Variants in ZSWIM6 observed in about 807,000 individuals in gnomAD.
ZSWIM6 encodes the protein zinc finger SWIM domain-containing protein 6.
A neutral mutation model predicts 113.2 loss-of-function variants in ZSWIM6; 9 were observed. That is an observed-to-expected ratio of 0.08 (90% CI 0.05 to 0.14). The LOEUF is 0.14. ZSWIM6 is among the 10% of genes least tolerant of loss of function. The pLI is 1.00. For synonymous variants in ZSWIM6, 611 were observed against 606.5 expected, an observed-to-expected ratio of 1.01 and a Z score of -0.11; for missense variants, 1,162 against 1,552.2, an observed-to-expected ratio of 0.75 and a Z score of 4.22.
chr5:61,340,852 A>G (rs1452962477), intron 1 of ZSWIM6, among the ~76,000 whole-genome samples: 3 of 152,196 alleles, frequency 2.0e-5, no homozygotes, highest in Non-Finnish European at 4.4e-5. Context: ...CTAAATTCTA[A>G]TGGCTGCAGT....
In ZSWIM6 at chr5:61,521,329, A is replaced by C. The variant is rs538889252; in HGVS notation, c.1400A>C (p.Lys467Thr). The C allele has an allele frequency of 3.9e-6, 6 of 1,524,766 alleles. No homozygotes were observed. The highest frequency in any genetic ancestry group is 4.4e-6 in the Non-Finnish European group (5 of 1,134,696). 94.5% of individuals were successfully genotyped at this position (1,524,766 alleles called of 1,614,324 possible). The change falls in exon 5 of 14, where the codon AAA becomes ACA. Residue 467 changes from lysine (K) to threonine (T), a missense_variant. Lys to Thr is a moderately conservative substitution (Grantham distance 78). This residue lies in a region of ZSWIM6 where 620 missense variants were observed against 804.6 expected (regional missense o/e 0.77). Coordinates refer to ENST00000252744, the MANE Select transcript of ZSWIM6 (RefSeq NM_020928.2). ...CKLEQKASWL[K>T]QLKKWNSVDV... is the part of the protein sequence containing the mutation. ...TTGGAGCAAAAGGCCAGTTGGCTAA[A>C]ACAGCTGAAGAAATGGAATAGTGTT...
intron 1 of ZSWIM6, among the ~76,000 whole-genome samples, chr5:61,348,194 C>T (rs551456538): frequency 6.6e-6 from 1 of 152,130 alleles, no homozygotes; most frequent in East Asian, 1.9e-4. Flanking sequence ...GCCCTCCAGC[C>T]TGGGCAACAG....
At chr5:61,531,296 T>A (rs1199512832) in intron 8 of ZSWIM6, among the ~76,000 whole-genome samples, 169 bp from the exon 9 acceptor site, 8 of 152,202 alleles carry the variant, frequency 5.3e-5, no homozygotes, top group Non-Finnish European at 1.0e-4. Context: ...TGGTCATTTT[T>A]AAAAAGATAC....
intron 1 of ZSWIM6, among the ~76,000 whole-genome samples, chr5:61,364,960 A>G (rs1410012897): frequency 6.6e-6 from 1 of 152,134 alleles, no homozygotes; most frequent in African/African-American, 2.4e-5. Flanking sequence ...TATGACAGAA[A>G]CTTTGGCCTT....
chr5:61,418,198 G>T (rs1242079446), intron 1 of ZSWIM6, among the ~76,000 whole-genome samples: 1 of 152,164 alleles, frequency 6.6e-6, no homozygotes, highest in Non-Finnish European at 1.5e-5. Context: ...CCTATCCAGG[G>T]ATTTTGAAAG....
intron 5 of ZSWIM6, among the ~76,000 whole-genome samples, chr5:61,522,942 A>G (rs1000651864): frequency 6.6e-6 from 1 of 152,190 alleles, no homozygotes; most frequent in Non-Finnish European, 1.5e-5. Flanking sequence ...TTAAGCATGA[A>G]TATTTCATGG....
chr5:61,409,637 CTATT>C (rs1248443974), intron 1 of ZSWIM6, among the ~76,000 whole-genome samples: 13 of 152,222 alleles, frequency 8.5e-5, no homozygotes, highest in Non-Finnish European at 1.5e-4. Context: ...TATTTCTTGA[CTATT>C]TATTAATTAG....
intron 1 of ZSWIM6, among the ~76,000 whole-genome samples, chr5:61,368,425 A>G (rs987737177): frequency 6.6e-6 from 1 of 152,230 alleles, no homozygotes; most frequent in African/African-American, 2.4e-5. Flanking sequence ...ATGACTATGC[A>G]AAATAATTGG....
At chr5:61,495,750 T>C (rs1436929184) in intron 4 of ZSWIM6, among the ~76,000 whole-genome samples, 2 of 152,190 alleles carry the variant, frequency 1.3e-5, no homozygotes, top group Non-Finnish European at 2.9e-5. Flanking sequence ...GTTTTACTTT[T>C]TAAGTAAACC....
chr5:61,465,433 T>C (rs1459824829), intron 1 of ZSWIM6, among the ~76,000 whole-genome samples: 1 of 152,112 alleles, frequency 6.6e-6, no homozygotes, highest in Non-Finnish European at 1.5e-5. Context: ...TTTTTTTTTT[T>C]TTCTAGTTCA....
chr5:61,334,904 T>C (rs907162306), intron 1 of ZSWIM6, among the ~76,000 whole-genome samples: 19 of 152,094 alleles, frequency 1.2e-4, no homozygotes, highest in African/African-American at 4.3e-4. Context: ...TTTTTTTTTT[T>C]TTCCCCCTCC....
chr5:61,467,305 C>G (rs964530830), intron 1 of ZSWIM6, among the ~76,000 whole-genome samples: 1 of 152,090 alleles, frequency 6.6e-6, no homozygotes, highest in Non-Finnish European at 1.5e-5. Flanking sequence ...CTGCAGTTCT[C>G]AAAACAAAAT....
chr5:61,388,898 C>A (rs954238353), intron 1 of ZSWIM6, among the ~76,000 whole-genome samples: 1 of 152,104 alleles, frequency 6.6e-6, no homozygotes, highest in African/African-American at 2.4e-5. Flanking sequence ...GAATTTTGAA[C>A]TTAGTTCATG....
intron 1 of ZSWIM6, among the ~76,000 whole-genome samples, chr5:61,442,297 A>T (rs1368429977): frequency 6.6e-6 from 1 of 152,092 alleles, no homozygotes; most frequent in Non-Finnish European, 1.5e-5. Flanking sequence ...GAAACTGTAA[A>T]CGTCAGTTCT....
chr5:61,333,868 G>A (rs375235955), intron 1 of ZSWIM6, among the ~76,000 whole-genome samples: 1 of 152,104 alleles, frequency 6.6e-6, no homozygotes, highest in South Asian at 2.1e-4. Context: ...GGCGAGCCGC[G>A]GTCGGCAGTT....
At chr5:61,501,688 T>C (rs1221253216) in intron 4 of ZSWIM6, among the ~76,000 whole-genome samples, 1 of 152,232 alleles carries the variant, frequency 6.6e-6, no homozygotes, top group Non-Finnish European at 1.5e-5. Context: ...TAAGGCTCAT[T>C]GTAATACACT....
intron 1 of ZSWIM6, among the ~76,000 whole-genome samples, chr5:61,401,868 G>A (rs1173033800): frequency 6.6e-6 from 1 of 152,076 alleles, no homozygotes. Flanking sequence ...ATTAAGCCAA[G>A]CATTTTATGA....
At chr5:61,542,373 TG>T (rs1429130134) in intron 13 of ZSWIM6, among the ~76,000 whole-genome samples, 1 of 152,224 alleles carries the variant, frequency 6.6e-6, no homozygotes, top group African/African-American at 2.4e-5. Flanking sequence ...CAATTGTAGC[TG>T]GCCATAAGAA....
intron 1 of ZSWIM6, among the ~76,000 whole-genome samples, chr5:61,383,151 A>T (rs1745519762): frequency 6.6e-6 from 1 of 152,242 alleles, no homozygotes; most frequent in Admixed American, 6.5e-5. Flanking sequence ...ACATACTTTT[A>T]AAAAATAAGT....
Sources: allele counts gnomAD v4.1 joint callset (sites outside exome capture counted in the v4.1 genomes callset), GRCh38; gene constraint gnomAD v4.1.1; regional missense constraint gnomAD v4.1.1; transcripts MANE v1.5; gene names NCBI Gene and HGNC (gene_info 2026-07-23, HGNC 2026-07-21).